Variants in ENTHD1 observed in about 807,000 individuals in gnomAD.
ENTHD1 encodes ENTH domain containing 1, also known as ENTH domain-containing protein 1.
Under a neutral mutation model 39.1 loss-of-function variants are expected in ENTHD1, and 23 were observed. The ratio of observed to expected loss-of-function variants is 0.59; its 90% CI spans 0.42 to 0.83. The LOEUF (loss-of-function observed/expected upper bound fraction) is 0.83, where lower values mean the gene tolerates loss of function less well. Among genes scored for constraint, ENTHD1 ranks in the 40% least tolerant of loss-of-function variants. The pLI is 0.00. For synonymous variants in ENTHD1, 230 were observed against 258.2 expected (o/e 0.89, Z 1.05); for missense variants, 624 against 705.4 (o/e 0.88, Z 1.31).
chr22:39,744,115 T>C lies in ENTHD1; in HGVS notation c.1388A>G (p.Asp463Gly), dbSNP rs772844860. 5.0e-6 allele frequency: 8 copies of C among 1,614,038 alleles called. No homozygotes were observed. Among genetic ancestry groups the C allele is most frequent in the Non-Finnish European group, 6.8e-6 (8 of 1,180,026 alleles). ...QLSSTSFKDE[D>G]KTAKLHHSFA... ...GGAGTGATGCAGCTTGGCTGTCTTA[T>C]CTTCATCTTTAAAGGAGGTAGAAGA... Residue 463 changes from aspartate to glycine, a missense_variant, in exon 7 of 7, where the codon GAT becomes GGT. Transcript: ENST00000325157.
chr22:39,890,779 A>T (rs2066420690), intron 1 of ENTHD1, among the ~76,000 whole-genome samples: 1 of 152,152 alleles, frequency 6.6e-6, no homozygotes, highest in Non-Finnish European at 1.5e-5. Context: ...GCAAGGAAAA[A>T]GGTCTAGAGA....
chr22:39,885,202 C>T (rs536424265), intron 2 of ENTHD1, among the ~76,000 whole-genome samples: 27 of 152,272 alleles, frequency 1.8e-4, no homozygotes, highest in South Asian at 1.7e-3. Flanking sequence ...ATAGATGTTA[C>T]ACCAAAGAAG....
At chr22:39,769,457 G>A (rs1160633594) in intron 5 of ENTHD1, among the ~76,000 whole-genome samples, 2 of 152,194 alleles carry the variant, frequency 1.3e-5, no homozygotes, top group Non-Finnish European at 2.9e-5. Flanking sequence ...GGGATGAGAA[G>A]GTGGAATATT....
chr22:39,820,973 C>G lies in ENTHD1; in HGVS notation c.832+20G>C, dbSNP rs372102762. ...AAATAAAATCTGATAAGTAAACTTC[C>G]TATTCCTTAACCAATTTACCTGCAC... On this transcript the variant is annotated intron_variant, in intron 5 of 6. Coordinates refer to ENST00000325157, the MANE Select transcript of ENTHD1 (RefSeq NM_152512.4). The G allele has an allele frequency of 5.6e-6, 9 of 1,613,078 alleles. No homozygotes were observed. Among genetic ancestry groups the G allele is most frequent in the Non-Finnish European group, 3.4e-6 (4 of 1,179,582 alleles).
At chr22:39,860,842 G>A (rs2066134312) in intron 3 of ENTHD1, among the ~76,000 whole-genome samples, 1 of 152,126 alleles carries the variant, frequency 6.6e-6, no homozygotes. Flanking sequence ...ATTTTTTAAA[G>A]TTTTAGCAAA....
At chr22:39,762,809 C>T (rs2065246334) in intron 6 of ENTHD1, among the ~76,000 whole-genome samples, 1 of 152,102 alleles carries the variant, frequency 6.6e-6, no homozygotes. Context: ...TCTTTCCTGT[C>T]TTCTTGATCA....
At chr22:39,866,697 T>C (rs560532117) in intron 2 of ENTHD1, among the ~76,000 whole-genome samples, 7 of 152,352 alleles carry the variant, frequency 4.6e-5, no homozygotes, top group African/African-American at 1.7e-4. Flanking sequence ...CAGGCCCTGC[T>C]TTCAAACACT....
At chr22:39,764,279 AC>A (rs1369967238) in intron 6 of ENTHD1, among the ~76,000 whole-genome samples, 2 of 151,980 alleles carry the variant, frequency 1.3e-5, no homozygotes, top group Non-Finnish European at 2.9e-5. Flanking sequence ...TTCAAGACCA[AC>A]CTGGGCAACA....
chr22:39,833,184 A>T (rs1171145038), intron 4 of ENTHD1, among the ~76,000 whole-genome samples: 1 of 152,178 alleles, frequency 6.6e-6, no homozygotes, highest in Non-Finnish European at 1.5e-5. Context: ...AGAAATGATC[A>T]GCTTAGGTCT....
chr22:39,844,693 A>G (rs980678887), intron 3 of ENTHD1, among the ~76,000 whole-genome samples: 9 of 152,210 alleles, frequency 5.9e-5, no homozygotes, highest in African/African-American at 1.2e-4. Context: ...TTCTCCCCCA[A>G]AAGCAATACT....
At chr22:39,861,610 A>G (rs998202238) in intron 3 of ENTHD1, among the ~76,000 whole-genome samples, 155 bp downstream of exon 3, 1 of 152,158 alleles carries the variant, frequency 6.6e-6, no homozygotes, top group Non-Finnish European at 1.5e-5. Flanking sequence ...TCTATTGAAT[A>G]TTCTTCGTTG....
At chr22:39,849,871 C>A (rs778945583) in intron 3 of ENTHD1, among the ~76,000 whole-genome samples, 13 of 152,092 alleles carry the variant, frequency 8.5e-5, no homozygotes, top group Non-Finnish European at 1.3e-4. Flanking sequence ...TTTTTAATTT[C>A]TCTTGCTTGT....
At chr22:39,748,593 T>G (rs971346624) in intron 6 of ENTHD1, among the ~76,000 whole-genome samples, 1 of 151,842 alleles carries the variant, frequency 6.6e-6, no homozygotes, top group Non-Finnish European at 1.5e-5. Context: ...GCTATTTTTT[T>G]TTTGTGTTTT....
intron 5 of ENTHD1, among the ~76,000 whole-genome samples, chr22:39,789,759 G>T (rs1204470127): frequency 6.6e-6 from 1 of 152,132 alleles, no homozygotes; most frequent in East Asian, 1.9e-4. Context: ...TTATATAAAA[G>T]CAGTTAGGCA....
intron 4 of ENTHD1, among the ~76,000 whole-genome samples, chr22:39,830,685 A>G (rs1400200812): frequency 1.3e-5 from 2 of 152,218 alleles, no homozygotes; most frequent in Non-Finnish European, 2.9e-5. Flanking sequence ...TCAGTTGACA[A>G]AAATTTGTCA....
intron 6 of ENTHD1, among the ~76,000 whole-genome samples, chr22:39,744,609 A>G (rs1413165131): frequency 6.6e-6 from 1 of 152,182 alleles, no homozygotes; most frequent in Non-Finnish European, 1.5e-5. Context: ...AAAGTATTAA[A>G]CCCCATTCTA....
chr22:39,746,825 A>G (rs1228654392), intron 6 of ENTHD1, among the ~76,000 whole-genome samples: 2 of 152,248 alleles, frequency 1.3e-5, no homozygotes, highest in East Asian at 3.9e-4. Flanking sequence ...CAGTGCCCAC[A>G]CTTGTAACTC....
At chr22:39,891,508 T>G (rs560947354) in intron 1 of ENTHD1, among the ~76,000 whole-genome samples, 1 of 151,706 alleles carries the variant, frequency 6.6e-6, no homozygotes, top group South Asian at 2.1e-4. Flanking sequence ...AGCCTCACTA[T>G]GTAGCCCAGG....
chr22:39,769,970 G>A (rs957581186), intron 5 of ENTHD1, among the ~76,000 whole-genome samples: 2 of 152,308 alleles, frequency 1.3e-5, no homozygotes, highest in East Asian at 1.9e-4. Context: ...GGGTATCTTA[G>A]AGGTCTGAGA....
Sources: gnomAD v4.1 joint callset for allele counts (sites outside exome capture counted in the v4.1 genomes callset) on GRCh38, gnomAD v4.1.1 for gene constraint, MANE v1.5 for transcripts, NCBI Gene and HGNC (gene_info 2026-07-23, HGNC 2026-07-21) for gene names.